PCDHAC1: variants seen among roughly 807,000 people sequenced by gnomAD.
PCDHAC1 encodes protocadherin alpha-C1.
PCDHAC1 carries 42 observed loss-of-function variants against 60.0 expected under a neutral mutation model. The observed-to-expected ratio is 0.70, with a 90% confidence interval of 0.55 to 0.90. PCDHAC1 has a LOEUF of 0.90. Ranked by LOEUF, PCDHAC1 falls within the 40% of genes least tolerant of loss-of-function variation. The pLI is 0.00. For missense variants in PCDHAC1, 1,160 were observed against 1,222.3 expected (o/e 0.95, Z 0.76); for synonymous variants, 468 against 499.3 (o/e 0.94, Z 0.84).
intron 3 of PCDHAC1, among the ~76,000 whole-genome samples, chr5:140,986,070 A>G (rs1554247713): frequency 6.6e-6 from 1 of 152,126 alleles, no homozygotes; most frequent in African/African-American, 2.4e-5. Flanking sequence ...TTTTAAAGAA[A>G]CTGTTCATTT....
At chr5:140,991,320 A>G (rs1563572656) in intron 3 of PCDHAC1, among the ~76,000 whole-genome samples, 1 of 152,216 alleles carries the variant, frequency 6.6e-6, no homozygotes, top group Non-Finnish European at 1.5e-5. Context: ...CGCATGATAC[A>G]TGAAGGGAAT....
In PCDHAC1 at chr5:141,010,171, A is replaced by G. The variant is rs2098416277; in HGVS notation, c.*234A>G. On this transcript the variant is annotated 3_prime_UTR_variant, in exon 4 of 4. Transcript: ENST00000253807. ...CCACTCTGGCTTGTTTTCAGAACCTAAAAAGCAGACCCAAGTTTCCTTTCT... is the reference window on the plus strand; with the variant it reads ...CCACTCTGGCTTGTTTTCAGAACCTGAAAAGCAGACCCAAGTTTCCTTTCT... The G allele has an allele frequency of 3.2e-6, 5 of 1,559,030 alleles. No individual in the cohort carries two copies. Among genetic ancestry groups the G allele is most frequent in the Non-Finnish European group, 4.3e-6 (5 of 1,150,704 alleles).
intron 3 of PCDHAC1, among the ~76,000 whole-genome samples, chr5:141,009,180 T>C (rs1272195338): frequency 6.6e-6 from 1 of 152,170 alleles, no homozygotes; most frequent in Non-Finnish European, 1.5e-5. Context: ...CTTGGCTGGG[T>C]GTGGTAGCTC....
At chr5:140,963,128 T>A (rs1283011021) in intron 1 of PCDHAC1, among the ~76,000 whole-genome samples, 1 of 152,144 alleles carries the variant, frequency 6.6e-6, no homozygotes, top group African/African-American at 2.4e-5. Context: ...AGAGATAATA[T>A]TAAATTATTT....
At chr5:140,944,077 G>A (rs913476675) in intron 1 of PCDHAC1, among the ~76,000 whole-genome samples, 1 of 152,204 alleles carries the variant, frequency 6.6e-6, no homozygotes, top group Non-Finnish European at 1.5e-5. Context: ...TAAAGATAAA[G>A]GAGGCCTGAG....
intron 3 of PCDHAC1, among the ~76,000 whole-genome samples, chr5:140,985,631 T>C (rs551279134): frequency 1.2e-4 from 18 of 152,250 alleles, no homozygotes; most frequent in Admixed American, 1.2e-3. Flanking sequence ...GTATTGCTCT[T>C]CTCATCCCAA....
At chr5:140,978,782 A>C (rs782295456) in intron 1 of PCDHAC1, 167 bp from the exon 2 acceptor site, 1 of 971,546 alleles carries the variant, frequency 1.0e-6, no homozygotes, top group African/African-American at 1.8e-5. Flanking sequence ...TTTTCTTCTA[A>C]AGTGCTATAT....
chr5:140,939,729 G>A (rs1376988004), intron 1 of PCDHAC1, among the ~76,000 whole-genome samples: 16 of 152,166 alleles, frequency 1.1e-4, no homozygotes, highest in Admixed American at 1.0e-3. Context: ...ATTGTTGTGT[G>A]TAGCTGTGTA....
Position 140,927,526 on chromosome 5 carries a change from G to T in PCDHAC1, c.634G>T (p.Ala212Ser). The change falls in exon 1 of 4, where the codon GCC (alanine) becomes TCC (serine). Residue 212 changes from alanine to serine, a missense_variant. Physicochemically the swap from Ala to Ser is moderately conservative, Grantham distance 99. This residue lies in a region of PCDHAC1 where 1,113 missense variants were observed against 1,163.7 expected (regional missense o/e 0.96). Coordinates refer to ENST00000253807, the MANE Select transcript of PCDHAC1 (RefSeq NM_018898.5). ...TACAGCTCGGGACGGCGGGCTACCT[G>T]CCCGCTCAGGAGACGCACAAGTCAC... is the stretch of plus-strand genomic sequence containing the variant. ...VLTARDGGLP[A>S]RSGDAQVTII... 1.9e-6 allele frequency: 3 copies of T among 1,614,086 alleles called. No homozygotes were observed. The highest frequency in any genetic ancestry group is 2.5e-6 in the Non-Finnish European group (3 of 1,180,034).
At chr5:140,952,993 C>G (rs1273513255) in intron 1 of PCDHAC1, among the ~76,000 whole-genome samples, 1 of 152,106 alleles carries the variant, frequency 6.6e-6, no homozygotes, top group Non-Finnish European at 1.5e-5. Flanking sequence ...CTCATGAGAA[C>G]TCTCTCACTA....
chr5:140,957,346 G>C (rs1027225386), intron 1 of PCDHAC1, among the ~76,000 whole-genome samples: 7 of 152,080 alleles, frequency 4.6e-5, no homozygotes, highest in Non-Finnish European at 8.8e-5. Flanking sequence ...TTTTGAGAGA[G>C]AGACCACATT....
intron 1 of PCDHAC1, among the ~76,000 whole-genome samples, chr5:140,975,626 G>A (rs1234889198): frequency 6.6e-6 from 1 of 152,156 alleles, no homozygotes; most frequent in African/African-American, 2.4e-5. Flanking sequence ...GATTTCCATG[G>A]TACGAAGATA....
intron 1 of PCDHAC1, among the ~76,000 whole-genome samples, chr5:140,959,259 C>T (rs781794121): frequency 4.6e-5 from 7 of 152,040 alleles, no homozygotes; most frequent in African/African-American, 7.2e-5. Flanking sequence ...TGACTGTAGT[C>T]CCAGCTACCC....
intron 1 of PCDHAC1, among the ~76,000 whole-genome samples, chr5:140,955,418 G>A: frequency 6.6e-6 from 1 of 152,140 alleles, no homozygotes; most frequent in Non-Finnish European, 1.5e-5. Flanking sequence ...ATGATAGTGA[G>A]TGAGTTCTCA....
chr5:140,948,096 T>C (rs550126735), intron 1 of PCDHAC1, among the ~76,000 whole-genome samples: 1 of 151,754 alleles, frequency 6.6e-6, no homozygotes, highest in East Asian at 1.9e-4. Flanking sequence ...TATGAGCATA[T>C]GATTTTTCTT....
chr5:140,937,227 C>CG lies in PCDHAC1; in HGVS notation c.2433+7906dup, dbSNP rs2091422712. Among the ~76,000 whole-genome samples the CG allele has an allele frequency of 2.0e-5, 3 of 151,930 alleles. No homozygotes were observed. The South Asian group carries it at 6.2e-4, about 32-fold the overall frequency. On this transcript the variant is annotated intron_variant, in intron 1 of 3. Transcript: ENST00000253807. Reference sequence around the variant, plus strand: ...TAATTTTTTGTATTTTTTGTAGAGACGGGGTTTCACCGTGTTAGCCAGGAT... The same window carrying CG: ...TAATTTTTTGTATTTTTTGTAGAGACGGGGGTTTCACCGTGTTAGCCAGGAT...
At chr5:140,956,885 T>C (rs1156888418) in intron 1 of PCDHAC1, among the ~76,000 whole-genome samples, 1 of 152,194 alleles carries the variant, frequency 6.6e-6, no homozygotes, top group Non-Finnish European at 1.5e-5. Context: ...TAGATATCAA[T>C]GAATGAATAT....
chr5:140,967,404 A>C (rs2096137449), intron 1 of PCDHAC1: 1 of 1,612,076 alleles, frequency 6.2e-7, no homozygotes, highest in Non-Finnish European at 8.5e-7. Flanking sequence ...GTGCTGCGTA[A>C]GGGCCTAGAC....
At chr5:140,986,437 G>A (rs1554248053) in intron 3 of PCDHAC1, among the ~76,000 whole-genome samples, 2 of 152,182 alleles carry the variant, frequency 1.3e-5, no homozygotes, top group Admixed American at 6.5e-5. Flanking sequence ...GAGTACTAAT[G>A]CCCTGAAGAG....
Sources: allele counts gnomAD v4.1 joint callset (sites outside exome capture counted in the v4.1 genomes callset), GRCh38; gene constraint gnomAD v4.1.1; regional missense constraint gnomAD v4.1.1; transcripts MANE v1.5; gene names NCBI Gene and HGNC (gene_info 2026-07-23, HGNC 2026-07-21).